CREB3L3: variants seen among roughly 807,000 people sequenced by gnomAD.
CREB3L3 encodes cAMP responsive element binding protein 3 like 3.
CREB3L3 carries 40 observed loss-of-function variants against 44.6 expected under a neutral mutation model. The observed-to-expected ratio is 0.90, with a 90% confidence interval of 0.70 to 1.17. The LOEUF (loss-of-function observed/expected upper bound fraction) is 1.17, where lower values mean the gene tolerates loss of function less well. Ranked by LOEUF, CREB3L3 falls within the 50% of genes most tolerant of loss-of-function variation. CREB3L3 has a pLI of 0.00. For missense variants in CREB3L3, 578 were observed against 595.8 expected (o/e 0.97, Z 0.31); for synonymous variants, 273 against 256.3 (o/e 1.06, Z -0.62).
rs140312652 is a variant in CREB3L3, at chr19:4,159,750, G to A, written c.544G>A (p.Asp182Asn). 2,496 of 1,576,914 alleles carry A rather than the reference G, an allele frequency of 1.6e-3. 8 individuals carry two copies. Among genetic ancestry groups the A allele is most frequent in the Admixed American group, 3.1e-3 (184 of 59,930 alleles). The stretch of plus-strand genomic sequence containing the variant: ...CCCACGATGCAATCTCACCGTGAAA[G>A]ACCTCCTCCTTTCGGGCAGCAGTGG... ...LSPRCNLTVK[D>N]LLLSGSSGDL... The change falls in exon 4 of 10, where the codon GAC becomes AAC. Residue 182 changes from aspartate (D) to asparagine (N), a missense_variant. Physicochemically the swap from Asp to Asn is conservative, Grantham distance 23 (BLOSUM62 1). Coordinates refer to ENST00000078445, the MANE Select transcript of CREB3L3 (RefSeq NM_032607.3).
Position 4,171,587 on chromosome 19 carries a change from G to A in CREB3L3, c.1073-69G>A, listed in dbSNP as rs2145145868. The A allele has an allele frequency of 6.2e-7, 1 of 1,604,270 alleles. No individual in the cohort carries two copies. Among genetic ancestry groups the A allele is most frequent in the East Asian group, 2.2e-5 (1 of 44,822 alleles). ...CTGTGCCCTTGTTCCCTGAGGCTGG[G>A]GGCCAGGGAAGGGAGCATAGGACCC... On this transcript the variant is annotated intron_variant, in intron 9 of 9. Coordinates refer to ENST00000078445, the MANE Select transcript of CREB3L3 (RefSeq NM_032607.3). The surrounding 1 kb of genome is among the most constrained non-coding windows in gnomAD (Gnocchi z 4.9).
chr19:4,168,557 T>C (rs1881242457), intron 6 of CREB3L3, 100 bp downstream of exon 6: 1 of 869,116 alleles, frequency 1.2e-6, no homozygotes. Context: ...TCTGACAAAA[T>C]TGGAGGTGAT....
intron 4 of CREB3L3, among the ~76,000 whole-genome samples, chr19:4,161,836 G>T (rs2041665730): frequency 6.6e-6 from 1 of 152,176 alleles, no homozygotes; most frequent in Non-Finnish European, 1.5e-5. Context: ...TGATGGTCAG[G>T]ATGGGGCGAT....
At chr19:4,167,117 C>G (rs1270707633) in intron 5 of CREB3L3, among the ~76,000 whole-genome samples, 1 of 151,956 alleles carries the variant, frequency 6.6e-6, no homozygotes, top group Non-Finnish European at 1.5e-5. Context: ...CAAAGATGGG[C>G]GGATCACCTG....
intron 3 of CREB3L3, among the ~76,000 whole-genome samples, chr19:4,158,166 G>T (rs2041610368): frequency 6.6e-6 from 1 of 151,886 alleles, no homozygotes; most frequent in Non-Finnish European, 1.5e-5. Flanking sequence ...CTTGACCCTT[G>T]CTATGAGCTC....
chr19:4,172,088 A>T lies in CREB3L3; in HGVS notation c.*119A>T. On this transcript the variant is annotated 3_prime_UTR_variant, in exon 10 of 10. Transcript: ENST00000078445. Reference sequence around the variant, plus strand: ...GCCAAGACCCCAGCAGAGATGCCAGAATGGGGGAGGCACAGCTCATAGCCA... The same window carrying T: ...GCCAAGACCCCAGCAGAGATGCCAGTATGGGGGAGGCACAGCTCATAGCCA... The T allele has an allele frequency of 9.3e-7, 1 of 1,081,056 alleles. No homozygotes were observed. Among genetic ancestry groups the T allele is most frequent in the Non-Finnish European group, 1.3e-6 (1 of 772,374 alleles). 67.0% of individuals were successfully genotyped at this position (1,081,056 alleles called of 1,614,324 possible). A position where few individuals can be genotyped will look rare whatever the true frequency, so the allele number is the denominator to read the frequency against.
chr19:4,155,751 C>CTTT (rs34277649), intron 2 of CREB3L3, among the ~76,000 whole-genome samples: 4 of 136,228 alleles, frequency 2.9e-5, no homozygotes, highest in East Asian at 2.2e-4. Context: ...CTTTTACTCT[C>CTTT]TTTTTTTTTT....
intron 5 of CREB3L3, among the ~76,000 whole-genome samples, chr19:4,167,232 A>T (rs1281673936): frequency 1.3e-5 from 2 of 151,854 alleles, no homozygotes; most frequent in African/African-American, 4.8e-5. Flanking sequence ...AATCCCAGCT[A>T]CTTGGGAAGC....
chr19:4,155,648 G>A (rs1170487861), intron 2 of CREB3L3, among the ~76,000 whole-genome samples: 17 of 148,520 alleles, frequency 1.1e-4, no homozygotes, highest in African/African-American at 3.7e-4. Context: ...GTGCCACCGC[G>A]CCCGGCCCAC....
intron 4 of CREB3L3, among the ~76,000 whole-genome samples, chr19:4,163,411 G>A (rs967994887): frequency 3.3e-5 from 5 of 151,904 alleles, no homozygotes; most frequent in Admixed American, 6.6e-5. Context: ...CATTTTGCGC[G>A]TGTGTGAGGA....
chr19:4,153,824 C>A, intron 1 of CREB3L3, 50 bp downstream of exon 1: 1 of 1,605,368 alleles, frequency 6.2e-7, no homozygotes, highest in Non-Finnish European at 8.5e-7. Flanking sequence ...GCTGGGAAAG[C>A]CTACCCAAGC....
At chr19:4,163,797 G>C (rs970915121) in intron 4 of CREB3L3, among the ~76,000 whole-genome samples, 13 of 148,986 alleles carry the variant, frequency 8.7e-5, no homozygotes, top group African/African-American at 3.2e-4. Context: ...ACAGACGTGA[G>C]CCACCTTTTC....
chr19:4,156,805 G>C (rs1031131478), intron 2 of CREB3L3, among the ~76,000 whole-genome samples, 190 bp from the exon 3 acceptor site: 1 of 152,020 alleles, frequency 6.6e-6, no homozygotes, highest in African/African-American at 2.4e-5. Context: ...CCTGGCACTG[G>C]CTGGGATTTT....
intron 4 of CREB3L3, among the ~76,000 whole-genome samples, chr19:4,163,379 A>G (rs1394061365): frequency 6.9e-6 from 1 of 144,876 alleles, no homozygotes; most frequent in East Asian, 2.4e-4. Flanking sequence ...AAGGAAAGAA[A>G]GAAAGAACCC....
At chr19:4,162,431 A>T (rs991988149) in intron 4 of CREB3L3, among the ~76,000 whole-genome samples, 3 of 151,646 alleles carry the variant, frequency 2.0e-5, no homozygotes, top group Non-Finnish European at 4.4e-5. Context: ...CAGAACAACG[A>T]TACAAAAAAA....
intron 2 of CREB3L3, 30 bp downstream of exon 2, chr19:4,155,057 C>A (rs1270066556): frequency 6.2e-7 from 1 of 1,600,574 alleles, no homozygotes; most frequent in Non-Finnish European, 8.5e-7. Flanking sequence ...TGCCCCGGGA[C>A]CACAGAGCTC....
chr19:4,169,097 C>T lies in CREB3L3; in HGVS notation c.821+640C>T, dbSNP rs190886726. Among the ~76,000 whole-genome samples, 404 of 152,274 alleles carry T rather than the reference C, an allele frequency of 2.7e-3. 4 individuals carry two copies. Among genetic ancestry groups the T allele is most frequent in the Admixed American group, 0.019 (291 of 15,292 alleles). On this transcript the variant is annotated intron_variant, in intron 6 of 9. Coordinates refer to ENST00000078445, the MANE Select transcript of CREB3L3 (RefSeq NM_032607.3). ...TCATCTTTATCCAGGGTCATTCCCC[C>T]CACCACCCTATGTCCTGGGTAATTG... is the stretch of plus-strand genomic sequence containing the variant.
chr19:4,161,406 C>T (rs1427746025), intron 4 of CREB3L3, among the ~76,000 whole-genome samples: 1 of 152,150 alleles, frequency 6.6e-6, no homozygotes, highest in Non-Finnish European at 1.5e-5. Context: ...AGCTACTGCG[C>T]CCCGCCTGGG....
In CREB3L3 at chr19:4,171,909, G is replaced by T. The variant is rs755353083; in HGVS notation, c.1326G>T (p.Ala442=). Residue 442 remains alanine (A), a synonymous_variant, in exon 10 of 10, where the codon GCG becomes GCT. Coordinates refer to ENST00000078445, the MANE Select transcript of CREB3L3 (RefSeq NM_032607.3). This position sits in a 1 kb window ranked among gnomAD's most constrained non-coding sequence, Gnocchi z 4.9. The part of the protein sequence containing the change: ...LGQVALLDWV[A]PGPSTGSGRA... ...AGGTCGCCCTGCTGGACTGGGTGGC[G>T]CCTGGGCCGAGCACTGGCTCAGGAC... 1.2e-6 allele frequency: 2 copies of T among 1,612,002 alleles called. No homozygotes were observed. The highest frequency in any genetic ancestry group is 8.5e-7 in the Non-Finnish European group (1 of 1,179,524).
Sources: gnomAD v4.1 joint callset for allele counts (sites outside exome capture counted in the v4.1 genomes callset) on GRCh38, gnomAD v4.1.1 for gene constraint, Gnocchi (gnomAD v3.1) non-coding constraint, MANE v1.5 for transcripts, NCBI Gene and HGNC (gene_info 2026-07-23, HGNC 2026-07-21) for gene names.